ASPM: variants seen among roughly 807,000 people sequenced by gnomAD.
ASPM encodes the protein assembly factor for spindle microtubules.
In ASPM, 256 loss-of-function variants were observed where a neutral mutation model predicts 366.4. That is an observed-to-expected ratio of 0.70 (90% confidence interval 0.63 to 0.77). The LOEUF is 0.77. Among genes scored for constraint, ASPM ranks in the 30% least tolerant of loss-of-function variants. The probability of loss-of-function intolerance (pLI) is 0.00; values close to 1 mark genes in which losing one functional copy is unlikely to be tolerated. For missense variants in ASPM, 4,146 were observed against 4,090.4 expected, an observed-to-expected ratio of 1.01 and a Z score of -0.37; for synonymous variants, 1,414 against 1,342.9, an observed-to-expected ratio of 1.05 and a Z score of -1.16.
rs746677747 is a variant in ASPM at position 197,103,944 on chromosome 1, C to A, written c.5307G>T (p.Gln1769His). The A allele has an allele frequency of 3.7e-6, 6 of 1,612,588 alleles. No individual in the cohort carries two copies. In the East Asian group the frequency reaches 1.3e-4, roughly 36 times the overall value. The change falls in exon 18 of 28, where the codon CAG (glutamine) becomes CAT (histidine). Residue 1769 changes from glutamine to histidine, a missense_variant. Physicochemically the swap from Gln to His is conservative, Grantham distance 24. Coordinates refer to ENST00000367409, the MANE Select transcript of ASPM (RefSeq NM_018136.5). ...QSYFRMRKARQYYLKMYKAII... is the reference protein window; with the variant it reads ...QSYFRMRKARHYYLKMYKAII... ...TTGCTTTATACATTTTCAGATAATA[C>A]TGCCGAGCCTTTCTCATTCTGAAAT...
Position 197,084,271 on chromosome 1 carries a change from T to C in ASPM, c.*53A>G. The stretch of plus-strand genomic sequence containing the variant: ...GAGCAAAAATCACTTTACGTACTCA[T>C]GATTGGCTTTAATATTTCTTTACAC... On this transcript the variant is annotated 3_prime_UTR_variant, in exon 28 of 28. Transcript: ENST00000367409. 8 of 1,355,790 alleles carry C rather than the reference T, an allele frequency of 5.9e-6. No homozygotes were observed. The highest frequency in any genetic ancestry group is 8.4e-6 in the Non-Finnish European group (8 of 947,964). The allele number at this position is 1,355,790 out of a possible 1,614,324, so 84.0% of individuals were successfully genotyped here.
chr1:197,087,277 C>T (rs1291942689), intron 26 of ASPM, among the ~76,000 whole-genome samples: 1 of 151,976 alleles, frequency 6.6e-6, no homozygotes, highest in Non-Finnish European at 1.5e-5. Context: ...GGAGTTTCAC[C>T]GTGTGAGCCA....
rs144268731 is a variant in ASPM, at chr1:197,129,622, T to A, written c.2629+293A>T. 2.0e-5 allele frequency among the ~76,000 whole-genome samples: 3 copies of A among 152,264 alleles called. No individual in the cohort carries two copies. In the East Asian group the frequency reaches 5.8e-4, roughly 29 times the overall value. ...AAATATTTAATGAACACCTACTACA[T>A]GCAGGCACCATCGTAGGTGTTAGAT... On this transcript the variant is annotated intron_variant, in intron 8 of 27. Transcript: ENST00000367409.
chr1:197,098,869 G>T (rs1025044891), intron 18 of ASPM, among the ~76,000 whole-genome samples: 3 of 151,376 alleles, frequency 2.0e-5, no homozygotes, highest in Non-Finnish European at 4.4e-5. Flanking sequence ...CTACTCTCCT[G>T]AACTCCAGAC....
intron 5 of ASPM, among the ~76,000 whole-genome samples, chr1:197,134,561 C>T (rs751974898): frequency 1.3e-5 from 2 of 152,184 alleles, no homozygotes; most frequent in Non-Finnish European, 2.9e-5. Context: ...AGAATTTTTC[C>T]TTATCTTCAG....
rs371308329 is a variant in ASPM, at chr1:197,122,178, T to C, written c.3722A>G (p.Asn1241Ser). The C allele has an allele frequency of 4.3e-6, 7 of 1,611,282 alleles. No individual in the cohort carries two copies. Among genetic ancestry groups the C allele is most frequent in the African/African-American group, 1.3e-5 (1 of 74,884 alleles). Residue 1241 changes from asparagine to serine, a missense_variant, in exon 15 of 28, where the codon AAT (asparagine) becomes AGT (serine). By Grantham distance (46) the Asn-to-Ser change is conservative. Around this residue, in one of 3 missense-constraint regions of ASPM, gnomAD observed 3,624 missense variants for 3,591.7 expected, o/e 1.01. Coordinates refer to ENST00000367409, the MANE Select transcript of ASPM (RefSeq NM_018136.5). The part of the protein sequence containing the change: ...PAMINHSDMS[N>S]TIPDEKVVIT... ...ACTTACCTTTTCATCTGGAATTGTA[T>C]TTGACATATCTGAATGATTAATCAT...
chr1:197,108,053 T>C (rs370244719), intron 17 of ASPM, among the ~76,000 whole-genome samples: 17 of 152,204 alleles, frequency 1.1e-4, no homozygotes, highest in East Asian at 3.9e-4. Context: ...TAGGAAAGAA[T>C]TGAAATCACA....
At chr1:197,085,169 G>A (rs1344187283) in intron 27 of ASPM, among the ~76,000 whole-genome samples, 1 of 152,126 alleles carries the variant, frequency 6.6e-6, no homozygotes, top group Non-Finnish European at 1.5e-5. Context: ...TTCAAATTGA[G>A]TCAAAATATC....
chr1:197,094,912 T>C (rs1318397392), intron 19 of ASPM, among the ~76,000 whole-genome samples: 1 of 151,756 alleles, frequency 6.6e-6, no homozygotes, highest in Non-Finnish European at 1.5e-5. Context: ...TGGTCCTTAA[T>C]AGCTGATAGT....
intron 10 of ASPM, 35 bp from the exon 11 acceptor site, chr1:197,125,226 T>C (rs1435670908): frequency 1.9e-6 from 3 of 1,609,748 alleles, no homozygotes; most frequent in Non-Finnish European, 2.6e-6. Flanking sequence ...GAAATTATCA[T>C]AAAAACGTAT....
chr1:197,133,726 T>G, intron 5 of ASPM, 131 bp from the exon 6 acceptor site: 1 of 1,038,242 alleles, frequency 9.6e-7, no homozygotes, highest in Non-Finnish European at 1.4e-6. Flanking sequence ...GCTTACTCCT[T>G]AGGCCAATCT....
chr1:197,144,343 T>C (rs557579679), intron 1 of ASPM, among the ~76,000 whole-genome samples: 1 of 152,282 alleles, frequency 6.6e-6, no homozygotes, highest in Admixed American at 6.5e-5. Flanking sequence ...ATTAAAGCAA[T>C]AGAACAGATA....
Position 197,102,407 on chromosome 1 carries a change from A to G in ASPM, c.6844T>C (p.Phe2282Leu), listed in dbSNP as rs780198239. 3 of 1,612,702 alleles carry G rather than the reference A, an allele frequency of 1.9e-6. No homozygotes were observed. The highest frequency in any genetic ancestry group is 2.2e-5 in the South Asian group (2 of 91,064). ...RFRTLMMRRR[F>L]LSLKKTAILI... ...ATAGCAGTTTTCTTGAGAGAGAGGAATCTTCTTCTCATCATTAGAGTTCTA... is the reference window on the plus strand; with the variant it reads ...ATAGCAGTTTTCTTGAGAGAGAGGAGTCTTCTTCTCATCATTAGAGTTCTA... The change falls in exon 18 of 28, where the codon TTC (phenylalanine) becomes CTC (leucine). Residue 2282 changes from phenylalanine to leucine, a missense_variant. Physicochemically the swap from Phe to Leu is conservative, Grantham distance 22 (BLOSUM62 0). Transcript: ENST00000367409.
intron 1 of ASPM, among the ~76,000 whole-genome samples, chr1:197,144,484 T>C (rs1384347040): frequency 6.6e-6 from 1 of 152,170 alleles, no homozygotes; most frequent in Non-Finnish European, 1.5e-5. Context: ...AAAAGAAATG[T>C]AAAGATGATC....
At chr1:197,140,507 T>C (rs1658547907) in intron 3 of ASPM, among the ~76,000 whole-genome samples, 2 of 152,236 alleles carry the variant, frequency 1.3e-5, no homozygotes, top group South Asian at 4.1e-4. Context: ...AAGTGTACTA[T>C]TATTACCACA....
rs1558328287 is a variant in ASPM at position 197,101,049 on chromosome 1, GTT to G, written c.8200_8201del (p.Asn2734LeufsTer16). The part of the protein sequence containing the change: ...LYVRVKTERK[N>X]FLAVQKSVRT... ...GTACAGATTTCTGAACTGCTAAAAA[GTT>G]TTTTCTTTCTGTTTTTACTCTAACA... On this transcript the variant is annotated frameshift_variant, in exon 18 of 28. Coordinates refer to ENST00000367409, the MANE Select transcript of ASPM (RefSeq NM_018136.5). LOFTEE classifies it high-confidence loss of function. The G allele has an allele frequency of 2.5e-6, 4 of 1,611,354 alleles. No individual in the cohort carries two copies. The highest frequency in any genetic ancestry group is 2.2e-5 in the South Asian group (2 of 90,984).
At chr1:197,100,365 C>A in intron 18 of ASPM, 66 bp downstream of exon 18, 2 of 1,105,064 alleles carry the variant, frequency 1.8e-6, no homozygotes, top group South Asian at 3.4e-5. Context: ...TCATTTTATA[C>A]ATTCTAACAA....
At chr1:197,108,364 C>CA (rs1657475355) in intron 17 of ASPM, among the ~76,000 whole-genome samples, 1 of 151,770 alleles carries the variant, frequency 6.6e-6, no homozygotes, top group Admixed American at 6.6e-5. Context: ...GACAGAAAAG[C>CA]AAAATTAATC....
chr1:197,087,207 T>A (rs1656621503), intron 26 of ASPM, among the ~76,000 whole-genome samples: 2 of 152,052 alleles, frequency 1.3e-5, no homozygotes, highest in South Asian at 4.2e-4. Flanking sequence ...CCCAAGTAGC[T>A]GGGATTACAG....
Sources: gnomAD v4.1 joint callset for allele counts (sites outside exome capture counted in the v4.1 genomes callset) on GRCh38, gnomAD v4.1.1 for gene constraint, gnomAD v4.1.1 regional missense constraint, MANE v1.5 for transcripts, NCBI Gene and HGNC (gene_info 2026-07-23, HGNC 2026-07-21) for gene names.